The following DOCK3 variants were observed in gnomAD, a reference collection of about 807,000 sequenced individuals.
The protein encoded by DOCK3 is dedicator of cytokinesis protein 3.
A neutral mutation model predicts 265.6 loss-of-function variants in DOCK3; 60 were observed. The observed-to-expected ratio is 0.23, with a 90% CI of 0.18 to 0.28. The LOEUF (loss-of-function observed/expected upper bound fraction) is 0.28. Among genes scored for constraint, DOCK3 ranks in the 10% least tolerant of loss-of-function variants. DOCK3 has a pLI of 1.00. For missense variants in DOCK3, 1,981 were observed against 2,594.3 expected (o/e 0.76, Z 5.14); for synonymous variants, 881 against 938.0 (o/e 0.94, Z 1.11).
At chr3:50,696,927 A>C (rs1007582904) in intron 1 of DOCK3, among the ~76,000 whole-genome samples, 1 of 139,596 alleles carries the variant, frequency 7.2e-6, no homozygotes, top group Non-Finnish European at 1.6e-5. Flanking sequence ...ATAGCACTGA[A>C]TTTTTTTTTT....
At chr3:50,834,438 TAGG>T (rs1167258173) in intron 2 of DOCK3, among the ~76,000 whole-genome samples, 7 of 152,134 alleles carry the variant, frequency 4.6e-5, no homozygotes, top group South Asian at 2.1e-4. Flanking sequence ...ATCAGAATTA[TAGG>T]AGTTTTTCAT....
At chr3:50,958,403 T>G (rs910614200) in intron 5 of DOCK3, among the ~76,000 whole-genome samples, 1 of 151,990 alleles carries the variant, frequency 6.6e-6, no homozygotes, top group Non-Finnish European at 1.5e-5. Flanking sequence ...GGCTTGTTAG[T>G]TATATCTGCT....
At chr3:51,069,356 A>G (rs1357126344) in intron 6 of DOCK3, among the ~76,000 whole-genome samples, 1 of 152,172 alleles carries the variant, frequency 6.6e-6, no homozygotes, top group Non-Finnish European at 1.5e-5. Flanking sequence ...TATTTTCAAC[A>G]TCTTCTCTAA....
chr3:51,016,570 T>TG (rs1346677979), intron 5 of DOCK3, among the ~76,000 whole-genome samples: 6 of 92,836 alleles, frequency 6.5e-5, no homozygotes, highest in South Asian at 3.0e-4. Flanking sequence ...ATATTATATA[T>TG]ATATTTATAT....
chr3:51,248,917 C>G (rs1432176201), intron 22 of DOCK3, among the ~76,000 whole-genome samples: 1 of 150,758 alleles, frequency 6.6e-6, no homozygotes, highest in South Asian at 2.1e-4. Flanking sequence ...CGTCTCTGCC[C>G]GGCCGCCCCA....
chr3:51,057,596 C>T (rs181402430), intron 5 of DOCK3, among the ~76,000 whole-genome samples: 3 of 152,252 alleles, frequency 2.0e-5, no homozygotes, highest in African/African-American at 7.2e-5. Flanking sequence ...TGTTTTGTGG[C>T]ATCAGATCAT....
At position 51,310,311 on chromosome 3, in the gene DOCK3, G is replaced by A. The variant is rs1184370275; in HGVS notation, c.3002G>A (p.Arg1001Lys). ...TTCCCTCGGGACTGGATGGTAATGA[G>A]ACTGCTCACAAGCAAGTAAGTATGG... Reference protein sequence around the residue: ...SVFPRDWMVMRLLTSNIIVTT... With the variant: ...SVFPRDWMVMKLLTSNIIVTT... Residue 1001 changes from arginine to lysine, a missense_variant, in exon 28 of 53, where the codon AGA becomes AAA. Arg to Lys is a conservative substitution (Grantham distance 26, BLOSUM62 2). Around this residue, in one of 4 missense-constraint regions of DOCK3, gnomAD observed 1,357 missense variants for 1,866.8 expected, o/e 0.73. Coordinates refer to ENST00000266037, the MANE Select transcript of DOCK3 (RefSeq NM_004947.5). 6.3e-7 allele frequency: 1 copy of A among 1,599,562 alleles called. No homozygotes were observed.
chr3:50,864,740 T>C (rs2047062782), intron 3 of DOCK3, among the ~76,000 whole-genome samples: 1 of 152,080 alleles, frequency 6.6e-6, no homozygotes, highest in African/African-American at 2.4e-5. Flanking sequence ...TTGTTGAAAA[T>C]GAATTGGCTG....
chr3:50,852,628 C>T (rs1054159272), intron 3 of DOCK3, among the ~76,000 whole-genome samples: 22 of 152,066 alleles, frequency 1.4e-4, no homozygotes, highest in African/African-American at 5.1e-4. Flanking sequence ...TCATTTATTT[C>T]AGATTTTAGG....
At chr3:50,897,294 G>A (rs1186537463) in intron 4 of DOCK3, among the ~76,000 whole-genome samples, 1 of 152,046 alleles carries the variant, frequency 6.6e-6, no homozygotes, top group Non-Finnish European at 1.5e-5. Context: ...TCTATTATTG[G>A]TGTATAAGAA....
intron 3 of DOCK3, among the ~76,000 whole-genome samples, chr3:50,861,162 G>A (rs2046890703): frequency 6.6e-6 from 1 of 152,096 alleles, no homozygotes; most frequent in Non-Finnish European, 1.5e-5. Context: ...CTGGCTCTAT[G>A]TTGCTCCCAG....
At position 51,246,808 on chromosome 3, in the gene DOCK3, G is replaced by A; in HGVS notation, c.2184+1G>A. 6.2e-7 allele frequency: 1 copy of A among 1,612,084 alleles called. No homozygotes were observed. Among genetic ancestry groups the A allele is most frequent in the Non-Finnish European group, 8.5e-7 (1 of 1,179,110 alleles). On this transcript the variant is annotated splice_donor_variant, in intron 22 of 52. Coordinates refer to ENST00000266037, the MANE Select transcript of DOCK3 (RefSeq NM_004947.5). LOFTEE classifies it high-confidence loss of function. ...GGACCACATTCAAGAAGCTATGCGG[G>A]TAATGTACTAACCTCTCCATACATA...
intron 12 of DOCK3, among the ~76,000 whole-genome samples, chr3:51,181,783 G>A (rs2087311946): frequency 6.6e-6 from 1 of 152,014 alleles, no homozygotes; most frequent in Non-Finnish European, 1.5e-5. Flanking sequence ...TTTCTAACAG[G>A]AGCAGTGAGT....
intron 3 of DOCK3, among the ~76,000 whole-genome samples, chr3:50,886,844 T>G (rs887541186): frequency 3.3e-5 from 5 of 152,076 alleles, no homozygotes; most frequent in Admixed American, 2.0e-4. Flanking sequence ...TACCAGAATC[T>G]CTGGGATACA....
At chr3:51,083,911 G>T (rs1242338956) in intron 7 of DOCK3, among the ~76,000 whole-genome samples, 1 of 152,126 alleles carries the variant, frequency 6.6e-6, no homozygotes, top group African/African-American at 2.4e-5. Context: ...TTGAACCCAG[G>T]AGGCGAAGGT....
intron 5 of DOCK3, among the ~76,000 whole-genome samples, chr3:51,022,483 C>A (rs562958161): frequency 1.3e-5 from 2 of 152,192 alleles, no homozygotes; most frequent in East Asian, 3.9e-4. Context: ...ATTTTTCTTT[C>A]TTCTCTTTCT....
At chr3:50,825,927 A>T (rs2044732069) in intron 2 of DOCK3, among the ~76,000 whole-genome samples, 1 of 148,642 alleles carries the variant, frequency 6.7e-6, no homozygotes, top group Non-Finnish European at 1.5e-5. Flanking sequence ...TAGGGAGATT[A>T]CTAGGAATAA....
rs148048154 is a variant in DOCK3, at chr3:51,369,953, C to T, written c.5294-4516C>T. Among the ~76,000 whole-genome samples the T allele has an allele frequency of 1.9e-3, 294 of 152,296 alleles. 3 individuals are homozygous for T. Among genetic ancestry groups the T allele is most frequent in the South Asian group, 7.7e-3 (37 of 4,834 alleles). ...CATGCCCATTCCACTGCCCATATTGCCTCCCTAGCATGGACTCTGAGGTCA... is the reference window on the plus strand; with the variant it reads ...CATGCCCATTCCACTGCCCATATTGTCTCCCTAGCATGGACTCTGAGGTCA... On this transcript the variant is annotated intron_variant, in intron 49 of 52. Coordinates refer to ENST00000266037, the MANE Select transcript of DOCK3 (RefSeq NM_004947.5).
At chr3:50,960,394 C>T (rs1391481764) in intron 5 of DOCK3, among the ~76,000 whole-genome samples, 1 of 151,994 alleles carries the variant, frequency 6.6e-6, no homozygotes, top group African/African-American at 2.4e-5. Flanking sequence ...CATAACCATT[C>T]TCTGTGTGAG....
Sources: allele counts gnomAD v4.1 joint callset (sites outside exome capture counted in the v4.1 genomes callset), GRCh38; gene constraint gnomAD v4.1.1; regional missense constraint gnomAD v4.1.1; transcripts MANE v1.5; gene names NCBI Gene and HGNC (gene_info 2026-07-23, HGNC 2026-07-21).